The following VIPR2 variants were observed in gnomAD, a reference collection of about 807,000 sequenced individuals.
VIPR2 encodes vasoactive intestinal polypeptide receptor 2.
A neutral mutation model predicts 58.0 loss-of-function variants in VIPR2; 48 were observed. The ratio of observed to expected loss-of-function variants is 0.83; its 90% CI spans 0.66 to 1.05. VIPR2 has a LOEUF of 1.05. Among genes scored for constraint, VIPR2 ranks in the 50% least tolerant of loss-of-function variants. The pLI, the probability that VIPR2 is intolerant of heterozygous loss-of-function variation, is 0.00. For missense variants in VIPR2, 534 were observed against 558.0 expected, an observed-to-expected ratio of 0.96 and a Z score of 0.43; for synonymous variants, 243 against 235.2, an observed-to-expected ratio of 1.03 and a Z score of -0.30.
intron 5 of VIPR2, among the ~76,000 whole-genome samples, chr7:159,046,242 T>C (rs1334772047): frequency 6.6e-6 from 1 of 152,074 alleles, no homozygotes; most frequent in Non-Finnish European, 1.5e-5. Context: ...TGGAAACAAG[T>C]TTTCAAACAA....
At chr7:159,065,675 AGG>A (rs1337290071) in intron 4 of VIPR2, among the ~76,000 whole-genome samples, 2 of 152,210 alleles carry the variant, frequency 1.3e-5, no homozygotes, top group African/African-American at 4.8e-5. Context: ...TTCAACACTA[AGG>A]TTTTAGAACT....
At chr7:159,033,951 T>C (rs1853744307) in intron 10 of VIPR2, among the ~76,000 whole-genome samples, 1 of 152,208 alleles carries the variant, frequency 6.6e-6, no homozygotes, top group Non-Finnish European at 1.5e-5. Context: ...TCCCAGGTCA[T>C]CAGGTGCAGA....
chr7:159,112,055 T>C (rs1563338530), intron 2 of VIPR2, among the ~76,000 whole-genome samples: 1 of 152,220 alleles, frequency 6.6e-6, no homozygotes, highest in African/African-American at 2.4e-5. Context: ...AGATAACTAA[T>C]ACATAATACA....
chr7:159,140,160 G>T (rs912575155), intron 2 of VIPR2, among the ~76,000 whole-genome samples: 1 of 152,062 alleles, frequency 6.6e-6, no homozygotes, highest in Non-Finnish European at 1.5e-5. Context: ...CATTGGAATT[G>T]GAAGCTAGAT....
At chr7:159,103,889 TC>T in intron 3 of VIPR2, 35 bp from the exon 4 acceptor site, 1 of 1,590,126 alleles carries the variant, frequency 6.3e-7, no homozygotes, top group Non-Finnish European at 8.6e-7. Flanking sequence ...TATCTGCAAG[TC>T]CATGAAAACT....
chr7:159,106,936 T>C (rs1191351435), intron 3 of VIPR2, among the ~76,000 whole-genome samples: 5 of 104,734 alleles, frequency 4.8e-5, no homozygotes, highest in African/African-American at 1.2e-4. Flanking sequence ...TGCAGAGAGA[T>C]CAGGGAGGTA....
At chr7:159,144,086 G>A (rs1449914714) in intron 1 of VIPR2, among the ~76,000 whole-genome samples, 2 of 152,248 alleles carry the variant, frequency 1.3e-5, no homozygotes, top group African/African-American at 2.4e-5. Flanking sequence ...CAAGAGGAAA[G>A]CAAGAAACAA....
In VIPR2 at chr7:159,093,610, A is replaced by G. The variant is rs1055492715; in HGVS notation, c.357+10147T>C. On this transcript the variant is annotated intron_variant, in intron 4 of 12. Transcript: ENST00000262178. The surrounding 1 kb of genome is among the most constrained non-coding windows in gnomAD (Gnocchi z 6.7). ...CTCAGGATCCGAGATGGGAGCGAGG[A>G]GCTGTTCCACCCACAACAAGCAGGT... 1.3e-5 allele frequency among the ~76,000 whole-genome samples: 2 copies of G among 152,146 alleles called. No homozygotes were observed. The highest frequency in any genetic ancestry group is 4.8e-5 in the African/African-American group (2 of 41,430).
At chr7:159,060,341 C>A (rs1037240626) in intron 4 of VIPR2, among the ~76,000 whole-genome samples, 6 of 151,486 alleles carry the variant, frequency 4.0e-5, no homozygotes, top group African/African-American at 1.5e-4. Context: ...CTCACCTCAT[C>A]CAACCACCAT....
In VIPR2 at chr7:159,095,119, CG is replaced by C. The variant is rs1376041846; in HGVS notation, c.357+8637del. On this transcript the variant is annotated intron_variant, in intron 4 of 12. Coordinates refer to ENST00000262178, the MANE Select transcript of VIPR2 (RefSeq NM_003382.5). This position sits in a 1 kb window ranked among gnomAD's most constrained non-coding sequence, Gnocchi z 5.2. ...GCTAGGGAGAGTTCCAGATTAAAGC[CG>C]GGGAGCCACCACAACCACACACAGC... 1.3e-5 allele frequency among the ~76,000 whole-genome samples: 2 copies of C among 152,226 alleles called. No individual in the cohort carries two copies. Among genetic ancestry groups the C allele is most frequent in the African/African-American group, 2.4e-5 (1 of 41,520 alleles).
chr7:159,143,552 C>T (rs1014979160), intron 1 of VIPR2, among the ~76,000 whole-genome samples: 12 of 152,190 alleles, frequency 7.9e-5, no homozygotes, highest in African/African-American at 1.4e-4. Flanking sequence ...GGAACTTCTG[C>T]CACCTTCAGC....
chr7:159,116,272 C>T lies in VIPR2; in HGVS notation c.152-6353G>A, dbSNP rs142761068. Among the ~76,000 whole-genome samples, 1,485 of 152,278 alleles carry T rather than the reference C, an allele frequency of 9.8e-3. 13 individuals are homozygous for T. Among genetic ancestry groups the T allele is most frequent in the Admixed American group, 0.014 (221 of 15,300 alleles). On this transcript the variant is annotated intron_variant, in intron 2 of 12. Coordinates refer to ENST00000262178, the MANE Select transcript of VIPR2 (RefSeq NM_003382.5). Reference sequence around the variant, plus strand: ...AGGAGCCAACTACTAATTTTGAAGCCAAGTTTCAGGAGATTTGTGCCATAG... The same window carrying T: ...AGGAGCCAACTACTAATTTTGAAGCTAAGTTTCAGGAGATTTGTGCCATAG...
intron 10 of VIPR2, 78 bp from the exon 11 acceptor site, chr7:159,032,145 G>T (rs953507245): frequency 1.7e-5 from 26 of 1,571,912 alleles, no homozygotes; most frequent in Non-Finnish European, 2.2e-5. Flanking sequence ...CTTCTCAGGA[G>T]GGGGCAGCTG....
In VIPR2 at chr7:159,078,427, A is replaced by T. The variant is rs922769877; in HGVS notation, c.358-19849T>A. 9.2e-5 allele frequency among the ~76,000 whole-genome samples: 14 copies of T among 152,340 alleles called. 1 individual carries two copies. The South Asian group carries it at 2.7e-3, about 29-fold the overall frequency. On this transcript the variant is annotated intron_variant, in intron 4 of 12. Coordinates refer to ENST00000262178, the MANE Select transcript of VIPR2 (RefSeq NM_003382.5). ...GTTTATCTTGTCTTAGGTAATCATG[A>T]CACGGTTCAACACTGTAAGGCACTA...
chr7:159,031,596 A>G lies in VIPR2; in HGVS notation c.1143+232T>C. 1.0e-6 allele frequency: 1 copy of G among 985,276 alleles called. No homozygotes were observed. The highest frequency in any genetic ancestry group is 1.2e-6 in the Non-Finnish European group (1 of 829,902). The allele number at this position is 985,276 out of a possible 1,614,324, so 61.0% of individuals were successfully genotyped here. A position where few individuals can be genotyped will look rare whatever the true frequency, so the allele number is the denominator to read the frequency against. On this transcript the variant is annotated intron_variant, in intron 12 of 12. Coordinates refer to ENST00000262178, the MANE Select transcript of VIPR2 (RefSeq NM_003382.5). This position sits in a 1 kb window ranked among gnomAD's most constrained non-coding sequence, Gnocchi z 4.0. ...AGGGCTCCGAGACGGACGGCAGTCGATGCTACTTAGGGTGGACGGAAGGAC... is the reference window on the plus strand; with the variant it reads ...AGGGCTCCGAGACGGACGGCAGTCGGTGCTACTTAGGGTGGACGGAAGGAC...
At chr7:159,142,060 C>A (rs1056532915) in intron 2 of VIPR2, among the ~76,000 whole-genome samples, 10 of 152,330 alleles carry the variant, frequency 6.6e-5, no homozygotes, top group South Asian at 2.1e-4. Flanking sequence ...CCATCCTTAA[C>A]CAGATCAAAA....
chr7:159,101,227 G>A (rs368339512), intron 4 of VIPR2, among the ~76,000 whole-genome samples: 27 of 142,712 alleles, frequency 1.9e-4, no homozygotes, highest in African/African-American at 7.1e-4. Flanking sequence ...CCGTTCCCCC[G>A]ACTGTTCCTG....
rs1857763006 is a variant in VIPR2, at chr7:159,095,289, A to G, written c.357+8468T>C. Among the ~76,000 whole-genome samples the G allele has an allele frequency of 1.3e-5, 2 of 152,198 alleles. No homozygotes were observed. Among genetic ancestry groups the G allele is most frequent in the African/African-American group, 4.8e-5 (2 of 41,456 alleles). ...CAGCCCTGCTTTTAGGGGATTCCTA[A>G]CATTTAAGGGGTGAAAAGGCGTGTG... On this transcript the variant is annotated intron_variant, in intron 4 of 12. Coordinates refer to ENST00000262178, the MANE Select transcript of VIPR2 (RefSeq NM_003382.5). This position sits in a 1 kb window ranked among gnomAD's most constrained non-coding sequence, Gnocchi z 5.2.
At chr7:159,067,402 A>C (rs1856153170) in intron 4 of VIPR2, among the ~76,000 whole-genome samples, 1 of 152,232 alleles carries the variant, frequency 6.6e-6, no homozygotes, top group South Asian at 2.1e-4. Flanking sequence ...GAACTTATAA[A>C]GCATGATCTA....
Sources: gnomAD v4.1 joint callset for allele counts (sites outside exome capture counted in the v4.1 genomes callset) on GRCh38, gnomAD v4.1.1 for gene constraint, Gnocchi (gnomAD v3.1) non-coding constraint, MANE v1.5 for transcripts, NCBI Gene and HGNC (gene_info 2026-07-23, HGNC 2026-07-21) for gene names.